SLC35E3: variants seen among roughly 807,000 people sequenced by gnomAD.
SLC35E3 encodes the protein solute carrier family 35 member E3, also known as bladder cancer-overexpressed gene 1 protein.
In SLC35E3, 28 loss-of-function variants were observed where a neutral mutation model predicts 30.8. The observed-to-expected ratio is 0.91, with a 90% CI of 0.67 to 1.25. The LOEUF is 1.25. Ranked by LOEUF, SLC35E3 falls within the 50% of genes most tolerant of loss-of-function variation. The pLI is 0.00. For missense variants in SLC35E3, 365 were observed against 375.4 expected (o/e 0.97, Z 0.23); for synonymous variants, 146 against 149.2 (o/e 0.98, Z 0.16).
rs1190262515 is a variant in SLC35E3 at position 68,748,151 on chromosome 12, A to C, written c.513+111A>C. ...TAGAGACAATAGACTGTTGGGAAGA[A>C]AGCATAATTGCATAAGTTGTCTGAC... On this transcript the variant is annotated intron_variant, in intron 2 of 4. Coordinates refer to ENST00000398004, the MANE Select transcript of SLC35E3 (RefSeq NM_018656.5). The C allele has an allele frequency of 9.2e-6, 6 of 652,706 alleles. No homozygotes were observed. In the East Asian group the frequency reaches 1.0e-4, roughly 11 times the overall value. 40.4% of individuals were successfully genotyped at this position (652,706 alleles called of 1,614,324 possible).
At chr12:68,755,286 CCTTA>C (rs974129218) in intron 3 of SLC35E3, among the ~76,000 whole-genome samples, 5 of 152,166 alleles carry the variant, frequency 3.3e-5, no homozygotes, top group East Asian at 1.9e-4. Flanking sequence ...GTCCATAATA[CCTTA>C]CTTATCAGGA....
At position 68,759,240 on chromosome 12, in the gene SLC35E3, G is replaced by C. The variant is rs201035799; in HGVS notation, c.755+1G>C. 6.2e-7 allele frequency: 1 copy of C among 1,605,040 alleles called. No individual in the cohort carries two copies. Among genetic ancestry groups the C allele is most frequent in the Non-Finnish European group, 8.5e-7 (1 of 1,173,484 alleles). Reference sequence around the variant, plus strand: ...TCATTGGGAACACTTCACCTGTCACGTATCCTTTTCATATAACTTAGAAAT... The same window carrying C: ...TCATTGGGAACACTTCACCTGTCACCTATCCTTTTCATATAACTTAGAAAT... On this transcript the variant is annotated splice_donor_variant, in intron 4 of 4. Coordinates refer to ENST00000398004, the MANE Select transcript of SLC35E3 (RefSeq NM_018656.5). LOFTEE classifies it high-confidence loss of function.
At chr12:68,758,944 T>C (rs1196908217) in intron 3 of SLC35E3, among the ~76,000 whole-genome samples, 8 of 152,012 alleles carry the variant, frequency 5.3e-5, no homozygotes, top group African/African-American at 1.9e-4. Context: ...GGTTTCACCA[T>C]GGTCTCGATC....
Position 68,773,095 on chromosome 12 carries a change from C to T in SLC35E3, c.*8205C>T, listed in dbSNP as rs1401656948. 1 of 152,364 alleles carries T rather than the reference C, an allele frequency of 6.6e-6. No individual in the cohort carries two copies. The highest frequency in any genetic ancestry group is 1.9e-4 in the East Asian group (1 of 5,182). 9.4% of individuals were successfully genotyped at this position (152,364 alleles called of 1,614,324 possible). A position where few individuals can be genotyped will look rare whatever the true frequency, so the allele number is the denominator to read the frequency against. ...GTTATCCGTGCTTGGGGCGGTGACC[C>T]TTGACCCCATTCCTATTTAAACATC... On this transcript the variant is annotated 3_prime_UTR_variant, in exon 5 of 5. Coordinates refer to ENST00000398004, the MANE Select transcript of SLC35E3 (RefSeq NM_018656.5).
In SLC35E3 at chr12:68,759,169, C is replaced by G. The variant is rs1421674850; in HGVS notation, c.685C>G (p.Leu229Val). 1 of 1,612,616 alleles carries G rather than the reference C, an allele frequency of 6.2e-7. No homozygotes were observed. Among genetic ancestry groups the G allele is most frequent in the South Asian group, 1.1e-5 (1 of 90,962 alleles). Residue 229 changes from leucine (L) to valine (V), a missense_variant, in exon 4 of 5, where the codon CTA (leucine) becomes GTA (valine). Coordinates refer to ENST00000398004, the MANE Select transcript of SLC35E3 (RefSeq NM_018656.5). ...WSVSALLMVLLSGVIAFMVNL... is the reference protein window; with the variant it reads ...WSVSALLMVLVSGVIAFMVNL... ...GGTTTATTTGTAGCTTATGGTGCTG[C>G]TATCTGGAGTAATAGCTTTCATGGT...
chr12:68,753,024 T>C (rs1423375667), intron 3 of SLC35E3, among the ~76,000 whole-genome samples: 2 of 149,578 alleles, frequency 1.3e-5, no homozygotes, highest in Non-Finnish European at 3.0e-5. Flanking sequence ...CACACACCTA[T>C]AATCCCAGCT....
rs1445927945 is a variant in SLC35E3 at position 68,752,107 on chromosome 12, G to T, written c.589G>T (p.Ala197Ser). 6.2e-7 allele frequency: 1 copy of T among 1,613,892 alleles called. No homozygotes were observed. Among genetic ancestry groups the T allele is most frequent in the Admixed American group, 1.7e-5 (1 of 59,926 alleles). ...GTACTACCAGGCTCCGATGTCATCT[G>T]CCATGTTGCTGGTTGCTGTGCCCTT... ...LLYYQAPMSS[A>S]MLLVAVPFFE... Residue 197 changes from alanine (A) to serine (S), a missense_variant, in exon 3 of 5, where the codon GCC becomes TCC. Ala to Ser is a moderately conservative substitution (Grantham distance 99). Coordinates refer to ENST00000398004, the MANE Select transcript of SLC35E3 (RefSeq NM_018656.5).
rs1173888273 is a variant in SLC35E3, at chr12:68,780,600, G to C, written c.*15710G>C. ...CCTCCTGGGTTCAAGCGATTCTCCT[G>C]CCTCAGCCACCCAAGTAGCTGGGAT... On this transcript the variant is annotated 3_prime_UTR_variant, in exon 5 of 5. Transcript: ENST00000398004. 6.7e-6 allele frequency: 1 copy of C among 150,236 alleles called. No individual in the cohort carries two copies. Among genetic ancestry groups the C allele is most frequent in the Non-Finnish European group, 1.5e-5 (1 of 68,568 alleles). The allele number at this position is 150,236 out of a possible 1,614,324, so 9.3% of individuals were successfully genotyped here.
Position 68,771,718 on chromosome 12 carries a change from A to G in SLC35E3, c.*6828A>G, listed in dbSNP as rs1436356387. The G allele has an allele frequency of 6.6e-6, 1 of 152,264 alleles. No individual in the cohort carries two copies. Among genetic ancestry groups the G allele is most frequent in the Non-Finnish European group, 1.5e-5 (1 of 68,074 alleles). The allele number at this position is 152,264 out of a possible 1,614,324, so 9.4% of individuals were successfully genotyped here. ...ACCTGCCAAGCAAAAGTCCGGTCTC[A>G]GCCCGGGAGCTAGTAGCATGCAGTG... On this transcript the variant is annotated 3_prime_UTR_variant, in exon 5 of 5. Transcript: ENST00000398004.
In SLC35E3 at chr12:68,746,775, C is replaced by A. The variant is rs767908024; in HGVS notation, c.398C>A (p.Thr133Lys). Residue 133 changes from threonine (T) to lysine (K), a missense_variant, in exon 1 of 5, where the codon ACG becomes AAG. Physicochemically the swap from Thr to Lys is moderately conservative, Grantham distance 78. Transcript: ENST00000398004. ...QKTFSTRIQL[T>K]LIPITLGVIL... is the part of the protein sequence containing the mutation. ...ACCTTCTCCACCAGAATCCAGCTCA[C>A]GCTGGTGAGTAGCTTCAGCTTCCCA... 4 of 1,579,760 alleles carry A rather than the reference C, an allele frequency of 2.5e-6. No individual in the cohort carries two copies. Among genetic ancestry groups the A allele is most frequent in the Non-Finnish European group, 3.4e-6 (4 of 1,159,556 alleles).
At chr12:68,754,573 G>A (rs932012988) in intron 3 of SLC35E3, among the ~76,000 whole-genome samples, 2 of 151,948 alleles carry the variant, frequency 1.3e-5, no homozygotes, top group Non-Finnish European at 2.9e-5. Context: ...GGCGTGAGCC[G>A]CCGCGCCCAG....
In SLC35E3 at chr12:68,765,060, C is replaced by T. The variant is rs772803526; in HGVS notation, c.*170C>T. 10 of 509,990 alleles carry T rather than the reference C, an allele frequency of 2.0e-5. No homozygotes were observed. Among genetic ancestry groups the T allele is most frequent in the Non-Finnish European group, 3.1e-5 (9 of 289,798 alleles). The allele number at this position is 509,990 out of a possible 1,614,324, so 31.6% of individuals were successfully genotyped here. ...TCACTTGAGGTCAGGAGTTCGAGACCAGCCTGACCAACATGGAGAAACCCT... is the reference window on the plus strand; with the variant it reads ...TCACTTGAGGTCAGGAGTTCGAGACTAGCCTGACCAACATGGAGAAACCCT... On this transcript the variant is annotated 3_prime_UTR_variant, in exon 5 of 5. Transcript: ENST00000398004.
chr12:68,779,086 A>G lies in SLC35E3; in HGVS notation c.*14196A>G, dbSNP rs942311176. The G allele has an allele frequency of 1.3e-5, 2 of 152,262 alleles. No homozygotes were observed. Among genetic ancestry groups the G allele is most frequent in the Non-Finnish European group, 2.9e-5 (2 of 68,168 alleles). The allele number at this position is 152,262 out of a possible 1,614,324, so 9.4% of individuals were successfully genotyped here. A position where few individuals can be genotyped will look rare whatever the true frequency, so the allele number is the denominator to read the frequency against. ...TCCAGACTGCATTCCAGCCTGGGCG[A>G]CAGAACAAGACTCTGTCTCAAAAAC... On this transcript the variant is annotated 3_prime_UTR_variant, in exon 5 of 5. Coordinates refer to ENST00000398004, the MANE Select transcript of SLC35E3 (RefSeq NM_018656.5).
In SLC35E3 at chr12:68,765,096, A is replaced by G. The variant is rs951085673; in HGVS notation, c.*206A>G. ...ACATGGAGAAACCCTGTCTCAACTA[A>G]TAATACAAAATTAGCCAGGCGTGGT... On this transcript the variant is annotated 3_prime_UTR_variant, in exon 5 of 5. Transcript: ENST00000398004. The G allele has an allele frequency of 2.6e-6, 1 of 382,384 alleles. No homozygotes were observed. The highest frequency in any genetic ancestry group is 4.1e-5 in the Admixed American group (1 of 24,644). The allele number at this position is 382,384 out of a possible 1,614,324, so 23.7% of individuals were successfully genotyped here.
At chr12:68,758,293 G>A (rs926750815) in intron 3 of SLC35E3, among the ~76,000 whole-genome samples, 3 of 151,920 alleles carry the variant, frequency 2.0e-5, no homozygotes, top group Non-Finnish European at 2.9e-5. Context: ...AGTGGCAGGC[G>A]CCTGTAGTCC....
intron 4 of SLC35E3, among the ~76,000 whole-genome samples, chr12:68,760,623 A>G (rs1490480653): frequency 1.3e-5 from 2 of 152,182 alleles, no homozygotes; most frequent in African/African-American, 2.4e-5. Flanking sequence ...ATACTACCCA[A>G]TCAAGGCATC....
rs1450549993 is a variant in SLC35E3, at chr12:68,771,247, C to G, written c.*6357C>G. On this transcript the variant is annotated 3_prime_UTR_variant, in exon 5 of 5. Transcript: ENST00000398004. ...TGAGATTGCACCACTGCACTCCAGC[C>G]TGGGTGACAGAGAGAGACTCTATCT... 1 of 151,006 alleles carries G rather than the reference C, an allele frequency of 6.6e-6. No individual in the cohort carries two copies. Among genetic ancestry groups the G allele is most frequent in the Non-Finnish European group, 1.5e-5 (1 of 67,938 alleles). 9.4% of individuals were successfully genotyped at this position (151,006 alleles called of 1,614,324 possible).
intron 3 of SLC35E3, among the ~76,000 whole-genome samples, chr12:68,754,645 A>T (rs1878935376): frequency 6.6e-6 from 1 of 152,178 alleles, no homozygotes; most frequent in Non-Finnish European, 1.5e-5. Context: ...TACCACTATG[A>T]ACAATATTGT....
In SLC35E3 at chr12:68,769,659, A is replaced by C. The variant is rs1879550683; in HGVS notation, c.*4769A>C. 6.6e-6 allele frequency: 1 copy of C among 152,194 alleles called. No homozygotes were observed. The highest frequency in any genetic ancestry group is 2.4e-5 in the African/African-American group (1 of 41,442). 9.4% of individuals were successfully genotyped at this position (152,194 alleles called of 1,614,324 possible). On this transcript the variant is annotated 3_prime_UTR_variant, in exon 5 of 5. Transcript: ENST00000398004. ...GGGCAACAAGAGCAAAACTGTCTCA[A>C]ATAAATAAATAATAAAAGAAAGGAG...
Sources: allele counts gnomAD v4.1 joint callset (sites outside exome capture counted in the v4.1 genomes callset), GRCh38; gene constraint gnomAD v4.1.1; transcripts MANE v1.5; gene names NCBI Gene and HGNC (gene_info 2026-07-23, HGNC 2026-07-21).